FAM171A1: variants seen among roughly 807,000 people sequenced by gnomAD.
FAM171A1 encodes the protein protein FAM171A1.
A neutral mutation model predicts 74.9 loss-of-function variants in FAM171A1; 23 were observed. That is an observed-to-expected ratio of 0.31 (90% confidence interval 0.22 to 0.44). FAM171A1 has a LOEUF of 0.44. FAM171A1 is among the 20% of genes least tolerant of loss of function. The probability of loss-of-function intolerance (pLI) is 1.00; values close to 1 mark genes in which losing one functional copy is unlikely to be tolerated. For synonymous variants in FAM171A1, 527 were observed against 505.7 expected, an observed-to-expected ratio of 1.04 and a Z score of -0.57; for missense variants, 1,162 against 1,159.2, an observed-to-expected ratio of 1.00 and a Z score of -0.03.
intron 1 of FAM171A1, among the ~76,000 whole-genome samples, chr10:15,356,319 G>C (rs982232936): frequency 1.3e-5 from 2 of 151,780 alleles, no homozygotes; most frequent in Non-Finnish European, 2.9e-5. Context: ...TTATGAGAAA[G>C]AGAAGCAAGA....
At chr10:15,337,144 G>T (rs1835710626) in intron 1 of FAM171A1, among the ~76,000 whole-genome samples, 1 of 151,760 alleles carries the variant, frequency 6.6e-6, no homozygotes, top group African/African-American at 2.4e-5. Context: ...GCCTCCCAAA[G>T]TGTCAGGATT....
At chr10:15,240,087 G>C (rs1306179267) in intron 5 of FAM171A1, among the ~76,000 whole-genome samples, 2 of 152,156 alleles carry the variant, frequency 1.3e-5, no homozygotes, top group Non-Finnish European at 2.9e-5. Context: ...GGCTGGGCGT[G>C]GTAGCTCATG....
chr10:15,238,369 C>T (rs1380888815), intron 5 of FAM171A1, among the ~76,000 whole-genome samples: 1 of 152,186 alleles, frequency 6.6e-6, no homozygotes, highest in Non-Finnish European at 1.5e-5. Context: ...ATATCCCCTA[C>T]CAGAGAGGTG....
chr10:15,335,804 TG>T (rs1268330313), intron 1 of FAM171A1, among the ~76,000 whole-genome samples: 6 of 152,132 alleles, frequency 3.9e-5, no homozygotes, highest in Non-Finnish European at 8.8e-5. Context: ...GGAGTAAAAA[TG>T]TGTGTATACT....
chr10:15,322,632 G>A (rs374909034), intron 1 of FAM171A1, among the ~76,000 whole-genome samples: 3 of 152,284 alleles, frequency 2.0e-5, no homozygotes, highest in Admixed American at 6.5e-5. Flanking sequence ...CCGACAGCCC[G>A]AAGGAAGACA....
intron 5 of FAM171A1, among the ~76,000 whole-genome samples, chr10:15,231,566 C>T (rs532384570): frequency 1.2e-4 from 18 of 151,990 alleles, no homozygotes; most frequent in African/African-American, 3.6e-4. Context: ...GATCTCACTC[C>T]GAGTAGCAAC....
chr10:15,261,184 G>A (rs377531164), intron 3 of FAM171A1, among the ~76,000 whole-genome samples: 5 of 152,204 alleles, frequency 3.3e-5, no homozygotes, highest in South Asian at 2.1e-4. Flanking sequence ...GAAGATTTCC[G>A]AGTCAATTTC....
At chr10:15,357,429 A>G (rs1261818715) in intron 1 of FAM171A1, among the ~76,000 whole-genome samples, 1 of 152,248 alleles carries the variant, frequency 6.6e-6, no homozygotes, top group East Asian at 1.9e-4. Context: ...AATCTGTAGT[A>G]GAAAATAATC....
intron 5 of FAM171A1, among the ~76,000 whole-genome samples, chr10:15,228,179 C>T (rs963350909): frequency 2.5e-4 from 38 of 152,100 alleles, no homozygotes; most frequent in Non-Finnish European, 4.4e-5. Context: ...CCGTAGCAGC[C>T]AATTACCTTC....
chr10:15,372,595 G>T (rs1836162904), upstream of FAM171A1, among the ~76,000 whole-genome samples: 1 of 151,362 alleles, frequency 6.6e-6, no homozygotes, highest in Non-Finnish European at 1.5e-5. Flanking sequence ...CTACTCAGGA[G>T]GCTGAGGTGG....
chr10:15,314,659 CG>C (rs1564275199), intron 1 of FAM171A1, among the ~76,000 whole-genome samples: 1 of 152,214 alleles, frequency 6.6e-6, no homozygotes, highest in African/African-American at 2.4e-5. Context: ...CCTATTATTT[CG>C]GGGGAAAGAG....
At chr10:15,253,799 A>G (rs1381911210) in intron 4 of FAM171A1, among the ~76,000 whole-genome samples, 1 of 152,192 alleles carries the variant, frequency 6.6e-6, no homozygotes, top group Non-Finnish European at 1.5e-5. Context: ...GGTAGACAAG[A>G]AAATAATTCA....
intron 1 of FAM171A1, among the ~76,000 whole-genome samples, chr10:15,292,780 C>T (rs976956179): frequency 1.3e-5 from 2 of 152,074 alleles, no homozygotes; most frequent in African/African-American, 4.8e-5. Flanking sequence ...GCCACTGCAC[C>T]GACCACCATA....
chr10:15,325,988 A>T (rs1014895768), intron 1 of FAM171A1, among the ~76,000 whole-genome samples: 10 of 152,230 alleles, frequency 6.6e-5, no homozygotes, highest in Non-Finnish European at 1.5e-4. Context: ...ACATCGCTAC[A>T]TCAAATCACA....
intron 1 of FAM171A1, among the ~76,000 whole-genome samples, chr10:15,350,799 C>T (rs1329877927): frequency 5.9e-5 from 9 of 152,108 alleles, no homozygotes; most frequent in African/African-American, 1.4e-4. Flanking sequence ...TGTACCACCA[C>T]GCCTGGCTGA....
At chr10:15,275,092 G>A (rs1185274748) in intron 3 of FAM171A1, among the ~76,000 whole-genome samples, 1 of 152,050 alleles carries the variant, frequency 6.6e-6, no homozygotes, top group African/African-American at 2.4e-5. Flanking sequence ...TTACACACCG[G>A]GGCCTGTCGT....
At chr10:15,236,341 G>A (rs1264506956) in intron 5 of FAM171A1, among the ~76,000 whole-genome samples, 1 of 151,614 alleles carries the variant, frequency 6.6e-6, no homozygotes, top group Non-Finnish European at 1.5e-5. Flanking sequence ...CAGCGATGAT[G>A]ATGATAAGAG....
intron 5 of FAM171A1, chr10:15,237,439 G>A (rs139384475): frequency 1.3e-5 from 2 of 152,252 alleles, no homozygotes; most frequent in African/African-American, 4.8e-5. Context: ...ATACAAGATT[G>A]TTTTTTGAGT....
intron 1 of FAM171A1, among the ~76,000 whole-genome samples, chr10:15,370,385 A>C (rs765241239): frequency 2.6e-5 from 4 of 151,820 alleles, no homozygotes; most frequent in Admixed American, 6.6e-5. Flanking sequence ...GAACCCCCCA[A>C]ACTTTCCCAA....
Sources: gnomAD v4.1 joint callset for allele counts (sites outside exome capture counted in the v4.1 genomes callset) on GRCh38, gnomAD v4.1.1 for gene constraint, MANE v1.5 for transcripts, NCBI Gene and HGNC (gene_info 2026-07-23, HGNC 2026-07-21) for gene names.